Variants in GLB1L3 observed in about 807,000 individuals in gnomAD.
GLB1L3 encodes galactosidase beta 1 like 3, also known as beta-galactosidase-1-like protein 3.
GLB1L3 carries 89 observed loss-of-function variants against 89.5 expected under a neutral mutation model. That is an observed-to-expected ratio of 0.99 (90% CI 0.84 to 1.19). The LOEUF is 1.19. Among genes scored for constraint, GLB1L3 ranks in the 50% most tolerant of loss-of-function variants. The probability of loss-of-function intolerance (pLI) is 0.00; values close to 1 mark genes in which losing one functional copy is unlikely to be tolerated. For missense variants in GLB1L3, 812 were observed against 813.3 expected (o/e 1.00, Z 0.02); for synonymous variants, 314 against 312.3 (o/e 1.01, Z -0.06).
At chr11:134,322,653 C>T (rs571915982), downstream of GLB1L3, among the ~76,000 whole-genome samples, 5 of 152,266 alleles carry the variant, frequency 3.3e-5, no homozygotes, top group East Asian at 1.9e-4. Flanking sequence ...GAACATTTTA[C>T]GAAAGTGGAA....
chr11:134,284,377 C>A (rs991450328), intron 6 of GLB1L3, among the ~76,000 whole-genome samples: 4 of 151,732 alleles, frequency 2.6e-5, no homozygotes, highest in Non-Finnish European at 4.4e-5. Context: ...TTGAAACCAG[C>A]CACTCTTTTT....
intron 9 of GLB1L3, among the ~76,000 whole-genome samples, chr11:134,297,591 T>A (rs1339680907): frequency 6.6e-6 from 1 of 152,050 alleles, no homozygotes; most frequent in East Asian, 1.9e-4. Context: ...CCGGGCGCGG[T>A]GGCTCACGCC....
chr11:134,293,209 G>A lies in GLB1L3; in HGVS notation c.876G>A (p.Gln292=), dbSNP rs753833943. ...QDTFNQLHKV[Q]RDKPLLIMEY... is the part of the protein sequence containing the mutation. The stretch of plus-strand genomic sequence containing the variant: ...CTTTCAATCAGCTTCATAAAGTCCA[G>A]GTAAGACATTTCAGACAGGCAGGGT... The change falls in exon 9 of 20, where the codon CAG becomes CAA. Residue 292 remains glutamine (Q), a splice_region_variant and synonymous_variant. Transcript: ENST00000431683. 5 of 1,613,262 alleles carry A rather than the reference G, an allele frequency of 3.1e-6. No homozygotes were observed. The highest frequency in any genetic ancestry group is 1.7e-4 in the Middle Eastern group (1 of 6,058).
At chr11:134,282,232 G>A in intron 5 of GLB1L3, 112 bp downstream of exon 5, 2 of 1,299,784 alleles carry the variant, frequency 1.5e-6, no homozygotes, top group Non-Finnish European at 2.1e-6. Context: ...GAGCCGATGG[G>A]AGGTGTGCTG....
At chr11:134,313,855 C>G in intron 16 of GLB1L3, 86 bp from the exon 17 acceptor site, 4 of 851,680 alleles carry the variant, frequency 4.7e-6, no homozygotes, top group Non-Finnish European at 7.8e-6. Flanking sequence ...AAGGCATGTA[C>G]AAGTCTGCAT....
intron 10 of GLB1L3, among the ~76,000 whole-genome samples, chr11:134,307,797 C>G (rs1291819043): frequency 6.6e-6 from 1 of 152,158 alleles, no homozygotes; most frequent in Non-Finnish European, 1.5e-5. Flanking sequence ...TGACCTCATC[C>G]AAACGTGAGG....
chr11:134,289,852 C>T (rs746086482), intron 7 of GLB1L3, among the ~76,000 whole-genome samples: 5 of 152,236 alleles, frequency 3.3e-5, no homozygotes, highest in Non-Finnish European at 7.3e-5. Flanking sequence ...ATTCAGAAAG[C>T]TGATGAGAGT....
intron 19 of GLB1L3, 53 bp from the exon 20 acceptor site, chr11:134,318,824 C>T: frequency 1.9e-6 from 3 of 1,559,042 alleles, no homozygotes; most frequent in Non-Finnish European, 2.7e-6. Flanking sequence ...CTTTTTCAAC[C>T]TGTACTAAAT....
intron 8 of GLB1L3, 84 bp downstream of exon 8, chr11:134,292,297 G>C: frequency 1.1e-6 from 1 of 925,298 alleles, no homozygotes; most frequent in Non-Finnish European, 1.7e-6. Context: ...AGAAAACCAA[G>C]TGCATCTCGA....
chr11:134,283,923 G>T lies in GLB1L3; in HGVS notation c.636+78G>T, dbSNP rs1940846297. The stretch of plus-strand genomic sequence containing the variant: ...TTTGTTCTGGCTTGATCACTGAAGA[G>T]GCCACATGCAGTCTCCATGAACAAT... On this transcript the variant is annotated intron_variant, in intron 6 of 19. Coordinates refer to ENST00000431683, the MANE Select transcript of GLB1L3 (RefSeq NM_001080407.3). The T allele has an allele frequency of 5.0e-6, 4 of 805,698 alleles. No homozygotes were observed. The African/African-American group carries it at 6.8e-5, about 14-fold the overall frequency. The allele number at this position is 805,698 out of a possible 1,614,324, so 49.9% of individuals were successfully genotyped here.
At chr11:134,281,333 G>A (rs769418406) in intron 3 of GLB1L3, 44 bp from the exon 4 acceptor site, 6 of 1,610,598 alleles carry the variant, frequency 3.7e-6, no homozygotes. Context: ...TTTGGAGGAA[G>A]AAATAAGAAG....
chr11:134,292,194 G>T lies in GLB1L3; in HGVS notation c.792G>T (p.Leu264=). 6.2e-7 allele frequency: 1 copy of T among 1,613,034 alleles called. No individual in the cohort carries two copies. Among genetic ancestry groups the T allele is most frequent in the South Asian group, 1.1e-5 (1 of 90,928 alleles). ...LLTSDGEKHV[L]SGHTKGVLAA... Reference sequence around the variant, plus strand: ...CCTCTGATGGTGAGAAACATGTGCTGAGTGGCCACACCAAAGGAGGTACAC... The same window carrying T: ...CCTCTGATGGTGAGAAACATGTGCTTAGTGGCCACACCAAAGGAGGTACAC... Residue 264 remains leucine (L), a synonymous_variant, in exon 8 of 20, where the codon CTG becomes CTT. Coordinates refer to ENST00000431683, the MANE Select transcript of GLB1L3 (RefSeq NM_001080407.3).
intron 3 of GLB1L3, among the ~76,000 whole-genome samples, chr11:134,279,764 T>C (rs1339045113): frequency 6.6e-6 from 1 of 152,206 alleles, no homozygotes; most frequent in African/African-American, 2.4e-5. Context: ...ATTTTGGCTG[T>C]TTTTTTCTTT....
intron 8 of GLB1L3, 34 bp from the exon 9 acceptor site, chr11:134,293,111 A>T (rs765838500): frequency 6.3e-7 from 1 of 1,594,730 alleles, no homozygotes; most frequent in Non-Finnish European, 8.6e-7. Flanking sequence ...CACTTGTCTC[A>T]TGCCTCAGCT....
Position 134,277,901 on chromosome 11 carries a change from T to C in GLB1L3, c.351T>C (p.Asn117=), listed in dbSNP as rs761855239. 1.5e-5 allele frequency: 25 copies of C among 1,613,802 alleles called. No individual in the cohort carries two copies. The highest frequency in any genetic ancestry group is 2.1e-5 in the Non-Finnish European group (25 of 1,179,956). The change falls in exon 3 of 20, where the codon AAT becomes AAC. Residue 117 remains asparagine, a synonymous_variant. Coordinates refer to ENST00000431683, the MANE Select transcript of GLB1L3 (RefSeq NM_001080407.3). ...RLLKLKACGF[N]TVTTYVPWNL... ...TGAAGCTGAAGGCCTGTGGCTTCAA[T>C]ACTGTCACCACGTGAGTGCCGGCCC... is the stretch of plus-strand genomic sequence containing the variant.
intron 9 of GLB1L3, among the ~76,000 whole-genome samples, chr11:134,304,077 A>AGAAT (rs1942071020): frequency 6.6e-6 from 1 of 152,060 alleles, no homozygotes; most frequent in East Asian, 1.9e-4. Context: ...TCGGGCTTCT[A>AGAAT]GAATGTGTGT....
At chr11:134,313,332 A>T (rs958006786) in intron 15 of GLB1L3, 64 bp from the exon 16 acceptor site, 70 of 1,301,304 alleles carry the variant, frequency 5.4e-5, no homozygotes, top group Non-Finnish European at 6.8e-5. Context: ...CAGTGAAAAA[A>T]CGGGTTGTCG....
chr11:134,286,749 C>T (rs1258418385), intron 6 of GLB1L3, among the ~76,000 whole-genome samples: 1 of 150,926 alleles, frequency 6.6e-6, no homozygotes, highest in Non-Finnish European at 1.5e-5. Flanking sequence ...CGCACTCCAG[C>T]CTGGGCGACA....
At chr11:134,309,845 C>T (rs1243850422) in intron 11 of GLB1L3, 82 bp downstream of exon 11, 2 of 1,476,404 alleles carry the variant, frequency 1.4e-6, no homozygotes, top group Admixed American at 1.9e-5. Flanking sequence ...CCTGTTCTGG[C>T]ACCACTGGGT....
Sources: gnomAD v4.1 joint callset for allele counts (sites outside exome capture counted in the v4.1 genomes callset) on GRCh38, gnomAD v4.1.1 for gene constraint, MANE v1.5 for transcripts, NCBI Gene and HGNC (gene_info 2026-07-23, HGNC 2026-07-21) for gene names.